The following CERT1 variants were observed in gnomAD, a reference collection of about 807,000 sequenced individuals.
CERT1 encodes ceramide transfer protein.
A neutral mutation model predicts 87.9 loss-of-function variants in CERT1; 31 were observed. The ratio of observed to expected loss-of-function variants is 0.35; its 90% CI spans 0.27 to 0.48. The LOEUF (loss-of-function observed/expected upper bound fraction) is 0.48. CERT1 is among the 20% of genes least tolerant of loss of function. The pLI, the probability that CERT1 is intolerant of heterozygous loss-of-function variation, is 0.99. For synonymous variants in CERT1, 289 were observed against 250.9 expected, an observed-to-expected ratio of 1.15 and a Z score of -1.44; for missense variants, 487 against 758.0, an observed-to-expected ratio of 0.64 and a Z score of 4.20.
chr5:75,386,713 A>G (rs1048578267), intron 12 of CERT1, among the ~76,000 whole-genome samples: 1 of 152,210 alleles, frequency 6.6e-6, no homozygotes, highest in East Asian at 1.9e-4. Context: ...GGCATTTCAC[A>G]TAGATTTTCT....
rs1316428760 is a variant in CERT1 at position 75,379,405 on chromosome 5, G to A, written c.1816C>T (p.Leu606=). The change falls in exon 17 of 17, where the codon CTA becomes TTA. Residue 606 remains leucine, a synonymous_variant. Coordinates refer to ENST00000643780, the MANE Select transcript of CERT1 (RefSeq NM_001379029.1). ...AVAKREYPKF[L]KRFTSYVQEK... ...TGGACGTAAGAAGTAAAACGTTTTA[G>A]AAATTTAGGATACTCTCGCTTTGCC... 1.2e-6 allele frequency: 2 copies of A among 1,613,896 alleles called. No individual in the cohort carries two copies. The highest frequency in any genetic ancestry group is 3.3e-5 in the Admixed American group (2 of 60,000).
chr5:75,429,455 G>T (rs1440788030), intron 3 of CERT1, among the ~76,000 whole-genome samples: 1 of 151,986 alleles, frequency 6.6e-6, no homozygotes, highest in East Asian at 1.9e-4. Flanking sequence ...CACCTGCCTC[G>T]GCTTCCCAAA....
chr5:75,511,267 C>T lies in CERT1; in HGVS notation c.-60G>A. The T allele has an allele frequency of 6.3e-7, 1 of 1,594,326 alleles. No homozygotes were observed. Among genetic ancestry groups the T allele is most frequent in the Non-Finnish European group, 8.5e-7 (1 of 1,170,436 alleles). On this transcript the variant is annotated 5_prime_UTR_variant, in exon 1 of 17. Transcript: ENST00000643780. ...GCTCCCTCAGCTGCGCCGGAGGAGG[C>T]GCCCAGTCCTCGGGGTGAAGGGTCG...
At chr5:75,467,754 T>C (rs918790659) in intron 2 of CERT1, among the ~76,000 whole-genome samples, 5 of 151,880 alleles carry the variant, frequency 3.3e-5, no homozygotes, top group African/African-American at 4.8e-5. Flanking sequence ...TAAATTTGCA[T>C]AGAACTACAC....
intron 3 of CERT1, among the ~76,000 whole-genome samples, chr5:75,457,949 C>A (rs565927383): frequency 2.5e-5 from 3 of 119,552 alleles, no homozygotes; most frequent in South Asian, 6.7e-4. Context: ...GTGTTTTGTG[C>A]CTGTTAAAAA....
intron 9 of CERT1, chr5:75,402,331 C>G (rs78801984): frequency 6.6e-6 from 1 of 152,054 alleles, no homozygotes; most frequent in Admixed American, 6.6e-5. Flanking sequence ...TTTACTTAGA[C>G]TAAATATATG....
At chr5:75,511,010 G>T in intron 1 of CERT1, 102 bp downstream of exon 1, 1 of 1,395,032 alleles carries the variant, frequency 7.2e-7, no homozygotes, top group Non-Finnish European at 9.4e-7. Flanking sequence ...TCGCACCCCG[G>T]CACGTTCCGC....
At chr5:75,471,226 A>G (rs1765692972) in intron 2 of CERT1, among the ~76,000 whole-genome samples, 1 of 152,216 alleles carries the variant, frequency 6.6e-6, no homozygotes, top group Non-Finnish European at 1.5e-5. Flanking sequence ...TAGATGGTAT[A>G]GCCTACTACT....
intron 12 of CERT1, among the ~76,000 whole-genome samples, chr5:75,389,033 A>C (rs764349110): frequency 3.1e-4 from 47 of 152,292 alleles, no homozygotes; most frequent in Middle Eastern, 3.4e-3. Flanking sequence ...TAGGAATGAG[A>C]AAATCCAAAA....
chr5:75,383,097 G>A (rs1053502686), intron 14 of CERT1, among the ~76,000 whole-genome samples: 1 of 152,098 alleles, frequency 6.6e-6, no homozygotes, highest in African/African-American at 2.4e-5. Flanking sequence ...TATGGAATGG[G>A]AGGAGAGGGA....
At chr5:75,394,220 T>A (rs1420835257) in intron 11 of CERT1, among the ~76,000 whole-genome samples, 1 of 152,052 alleles carries the variant, frequency 6.6e-6, no homozygotes, top group Admixed American at 6.6e-5. Flanking sequence ...GCAGTAAAAA[T>A]TTTTAAAACT....
At chr5:75,487,106 AAC>A (rs1303474965) in intron 2 of CERT1, among the ~76,000 whole-genome samples, 1 of 152,156 alleles carries the variant, frequency 6.6e-6, no homozygotes, top group Non-Finnish European at 1.5e-5. Context: ...TAGTAACCAA[AAC>A]AGTTTGGTAC....
chr5:75,447,026 A>G lies in CERT1; in HGVS notation c.348+12039T>C, dbSNP rs377439627. Among the ~76,000 whole-genome samples the G allele has an allele frequency of 3.9e-5, 6 of 152,216 alleles. No homozygotes were observed. The East Asian group carries it at 9.6e-4, about 24-fold the overall frequency. On this transcript the variant is annotated intron_variant, in intron 3 of 16. Coordinates refer to ENST00000643780, the MANE Select transcript of CERT1 (RefSeq NM_001379029.1). Reference sequence around the variant, plus strand: ...CAGAGCATAGATCCCTAGTATTTAGAGGACAGAATCTTTTGTGCTCACTCT... The same window carrying G: ...CAGAGCATAGATCCCTAGTATTTAGGGGACAGAATCTTTTGTGCTCACTCT...
chr5:75,427,880 TCTA>T (rs887474959), intron 3 of CERT1, among the ~76,000 whole-genome samples: 1 of 152,320 alleles, frequency 6.6e-6, no homozygotes, highest in African/African-American at 2.4e-5. Context: ...TAATTTTAAT[TCTA>T]CTCAATAAAC....
rs774962222 is a variant in CERT1 at position 75,410,977 on chromosome 5, T to C, written c.930+34A>G. The C allele has an allele frequency of 3.4e-5, 38 of 1,118,976 alleles. No individual in the cohort carries two copies. In the Admixed American group the frequency reaches 5.3e-4, roughly 16 times the overall value. 69.3% of individuals were successfully genotyped at this position (1,118,976 alleles called of 1,614,324 possible). On this transcript the variant is annotated intron_variant, in intron 8 of 16. Transcript: ENST00000643780. ...TCACTTTTGTGATAGACATGATCTATGTGTTTCTCTAAGATCAAAATATAA... is the reference window on the plus strand; with the variant it reads ...TCACTTTTGTGATAGACATGATCTACGTGTTTCTCTAAGATCAAAATATAA...
chr5:75,380,970 T>G (rs550782838), intron 16 of CERT1, 102 bp downstream of exon 16: 1 of 1,224,638 alleles, frequency 8.2e-7, no homozygotes, highest in South Asian at 1.4e-5. Flanking sequence ...ATTAGTAATC[T>G]AATGGATAAG....
chr5:75,390,196 A>G (rs1761973475), intron 11 of CERT1, among the ~76,000 whole-genome samples: 2 of 152,190 alleles, frequency 1.3e-5, no homozygotes, highest in Admixed American at 6.5e-5. Context: ...ATACACAAAG[A>G]TGAGCAAAGA....
rs187041731 is a variant in CERT1, at chr5:75,432,833, C to G, written c.349-6355G>C. Among the ~76,000 whole-genome samples the G allele has an allele frequency of 1.7e-4, 26 of 152,338 alleles. 1 individual carries two copies. Among genetic ancestry groups the G allele is most frequent in the Admixed American group, 1.7e-3 (26 of 15,296 alleles). ...TACTTGGGTTTTTATAGTTTTAGAA[C>G]TTACATTTATGTCTTTAATCCATCT... On this transcript the variant is annotated intron_variant, in intron 3 of 16. Transcript: ENST00000643780.
chr5:75,441,366 C>G (rs1764314339), intron 3 of CERT1, among the ~76,000 whole-genome samples: 1 of 152,134 alleles, frequency 6.6e-6, no homozygotes, highest in African/African-American at 2.4e-5. Context: ...AATCGACAAA[C>G]TATGCATTTC....
Sources: gnomAD v4.1 joint callset for allele counts (sites outside exome capture counted in the v4.1 genomes callset) on GRCh38, gnomAD v4.1.1 for gene constraint, MANE v1.5 for transcripts, NCBI Gene and HGNC (gene_info 2026-07-23, HGNC 2026-07-21) for gene names.